APOL3: variants seen among roughly 807,000 people sequenced by gnomAD.
APOL3 encodes the protein TNF-inducible protein CG12-1.
Under a neutral mutation model 11.6 loss-of-function variants are expected in APOL3, and 14 were observed. That is an observed-to-expected ratio of 1.21 (90% CI 0.80 to 1.89). APOL3 has a LOEUF of 1.89. APOL3 is among the 40% of genes most tolerant of loss of function. The pLI is 0.00. For synonymous variants in APOL3, 192 were observed against 190.6 expected (o/e 1.01, Z -0.06); for missense variants, 483 against 492.1 (o/e 0.98, Z 0.17).
At chr22:36,145,340 G>T in intron 2 of APOL3, 133 bp downstream of exon 3, 1 of 1,174,376 alleles carries the variant, frequency 8.5e-7, no homozygotes. Context: ...CTCCTGGACT[G>T]CTGAGAGGGA....
chr22:36,164,858 T>C (rs1025699131), upstream of APOL3: 1 of 152,240 alleles, frequency 6.6e-6, no homozygotes, highest in Non-Finnish European at 1.5e-5. Context: ...TCTTTCATTC[T>C]GTCAAGTACT....
At chr22:36,153,220 A>G in intron 1 of APOL3, 3 of 329,866 alleles carry the variant, frequency 9.1e-6, no homozygotes, top group South Asian at 7.5e-5. Flanking sequence ...GTATACACTT[A>G]TTAATTGATT....
At chr22:36,150,472 G>A (rs192326394) in intron 1 of APOL3, among the ~76,000 whole-genome samples, 28 of 152,130 alleles carry the variant, frequency 1.8e-4, no homozygotes, top group African/African-American at 6.5e-4. Context: ...GATGTTCAGC[G>A]ACTTGCCCAA....
exon 3 of APOL3, chr22:36,141,787 A>G (rs2146723775): frequency 1.2e-6 from 2 of 1,614,188 alleles, no homozygotes; most frequent in African/African-American, 1.3e-5. Flanking sequence ...AATGGTGCCA[A>G]AACAAGACCA....
chr22:36,141,163 A>G (rs1472749450), exon 3 of APOL3: 2 of 1,591,624 alleles, frequency 1.3e-6, no homozygotes, highest in African/African-American at 1.3e-5. Flanking sequence ...TGGCCTGTGT[A>G]TGGCTCACCT....
exon 1 of APOL3, chr22:36,160,929 T>C (rs754703537): frequency 6.8e-5 from 108 of 1,591,798 alleles, no homozygotes; most frequent in Admixed American, 1.7e-4. Flanking sequence ...ACCCTCCTGC[T>C]GATCCAAGAG....
intron 1 of APOL3, chr22:36,153,363 C>G (rs1018549942): frequency 1.1e-5 from 5 of 455,898 alleles, no homozygotes; most frequent in African/African-American, 8.0e-5. Context: ...GAGAAATACA[C>G]CTGCCTCCTG....
In APOL3 at chr22:36,141,764, C is replaced by T. The variant is rs145617479; in HGVS notation, c.645G>A (p.Thr215=). 769 of 1,614,158 alleles carry T rather than the reference C, an allele frequency of 4.8e-4. No individual in the cohort carries two copies. Among genetic ancestry groups the T allele is most frequent in the Middle Eastern group, 9.9e-4 (6 of 6,062 alleles). Residue 215 remains threonine (T), a synonymous_variant, in exon 3 of 3, where the codon ACG becomes ACA. Coordinates refer to ENST00000349314, the Ensembl canonical transcript of APOL3. ...CCCCAGCTGCAGTAAGGGCCAGACTCGTCCCTGCTGTAAATGGTGCCAAAA... is the reference window on the plus strand; with the variant it reads ...CCCCAGCTGCAGTAAGGGCCAGACTTGTCCCTGCTGTAAATGGTGCCAAAA...
chr22:36,155,156 A>C (rs1192213500), intron 1 of APOL3, among the ~76,000 whole-genome samples: 1 of 152,128 alleles, frequency 6.6e-6, no homozygotes, highest in Non-Finnish European at 1.5e-5. Context: ...AGGCAACAAC[A>C]AGCCCAGGCA....
At chr22:36,163,221 T>C (rs141365759), upstream of APOL3, among the ~76,000 whole-genome samples, 31 of 152,348 alleles carry the variant, frequency 2.0e-4, no homozygotes, top group East Asian at 5.6e-3. Context: ...CCCTTTAGAC[T>C]GGGCATTTTG....
chr22:36,147,285 G>C (rs1603474821), intron 1 of APOL3, among the ~76,000 whole-genome samples: 1 of 152,144 alleles, frequency 6.6e-6, no homozygotes, highest in Admixed American at 6.5e-5. Flanking sequence ...GGTTCTTTAG[G>C]CGGGCAGGGG....
chr22:36,158,138 G>T (rs1410501975), intron 1 of APOL3, among the ~76,000 whole-genome samples: 1 of 152,086 alleles, frequency 6.6e-6, no homozygotes, highest in Non-Finnish European at 1.5e-5. Context: ...ATATGAAAAG[G>T]CACTCAAGCT....
chr22:36,161,908 GGCTTGCAAGACTGCAT>G (rs2013720287), upstream of APOL3, among the ~76,000 whole-genome samples: 1 of 152,142 alleles, frequency 6.6e-6, no homozygotes, highest in South Asian at 2.1e-4. Flanking sequence ...GTTCACAGCA[GGCTTGCAAGACTGCAT>G]CCTTCAAATA....
At chr22:36,157,737 G>A (rs969765888) in intron 1 of APOL3, among the ~76,000 whole-genome samples, 4 of 152,174 alleles carry the variant, frequency 2.6e-5, no homozygotes, top group Non-Finnish European at 5.9e-5. Context: ...AAATCAACAT[G>A]AAAAGACTGA....
upstream of APOL3, among the ~76,000 whole-genome samples, chr22:36,162,604 C>T (rs1215941024): frequency 6.6e-6 from 1 of 152,208 alleles, no homozygotes; most frequent in African/African-American, 2.4e-5. Flanking sequence ...GAGGGGCTGA[C>T]TTCACTTCAC....
At chr22:36,145,474 T>C (rs944781547) in exon 2 of APOL3, 4 of 1,613,940 alleles carry the variant, frequency 2.5e-6, no homozygotes, top group Non-Finnish European at 3.4e-6. Context: ...GGAGGTTACC[T>C]GGGCAATTCA....
At chr22:36,149,857 T>C (rs1462744468) in intron 1 of APOL3, 2 of 456,322 alleles carry the variant, frequency 4.4e-6, no homozygotes, top group East Asian at 1.4e-4. Context: ...ACTGGTGCTG[T>C]GCTGGACACC....
chr22:36,144,792 G>A (rs9607312), intron 2 of APOL3, among the ~76,000 whole-genome samples: 7,988 of 151,984 alleles, frequency 0.053, 572 homozygotes, highest in African/African-American at 0.16. Flanking sequence ...GGAGGATCAC[G>A]AGGTCAGGAG....
chr22:36,148,492 A>G (rs2060298886), intron 1 of APOL3, among the ~76,000 whole-genome samples: 1 of 152,246 alleles, frequency 6.6e-6, no homozygotes, highest in Non-Finnish European at 1.5e-5. Context: ...AAGAAGCTCC[A>G]GGTGACACAG....
Sources: gnomAD v4.1 joint callset for allele counts (sites outside exome capture counted in the v4.1 genomes callset) on GRCh38, gnomAD v4.1.1 for gene constraint, MANE v1.5 for transcripts, NCBI Gene and HGNC (gene_info 2026-07-23, HGNC 2026-07-21) for gene names.